Variants in TRA2B observed in about 807,000 individuals in gnomAD.
TRA2B encodes transformer 2 beta homolog.
In TRA2B, 14 loss-of-function variants were observed where a neutral mutation model predicts 41.7. The observed-to-expected ratio is 0.34, with a 90% CI of 0.22 to 0.53. The LOEUF (loss-of-function observed/expected upper bound fraction) is 0.53, where lower values mean the gene tolerates loss of function less well. TRA2B is among the 20% of genes least tolerant of loss of function. The pLI, the probability that TRA2B is intolerant of heterozygous loss-of-function variation, is 0.95. For missense variants in TRA2B, 167 were observed against 396.8 expected, an observed-to-expected ratio of 0.42 and a Z score of 4.92; for synonymous variants, 130 against 128.8, an observed-to-expected ratio of 1.01 and a Z score of -0.06.
rs1014809540 is a variant in TRA2B, at chr3:185,918,269, T to C, written c.856+96A>G. 2.2e-5 allele frequency: 20 copies of C among 905,920 alleles called. No individual in the cohort carries two copies. The Admixed American group carries it at 3.8e-4, about 17-fold the overall frequency. 56.1% of individuals were successfully genotyped at this position (905,920 alleles called of 1,614,324 possible). On this transcript the variant is annotated intron_variant, in intron 8 of 8. Coordinates refer to ENST00000453386, the MANE Select transcript of TRA2B (RefSeq NM_004593.3). Reference sequence around the variant, plus strand: ...TGTGGAGAATCATTAGGTATGAAACTACCTGAAACCAATCCATTATCTGAT... The same window carrying C: ...TGTGGAGAATCATTAGGTATGAAACCACCTGAAACCAATCCATTATCTGAT...
intron 7 of TRA2B, among the ~76,000 whole-genome samples, 194 bp downstream of exon 7, chr3:185,919,242 TC>T (rs766944099): frequency 3.3e-5 from 5 of 152,210 alleles, no homozygotes; most frequent in Non-Finnish European, 5.9e-5. Context: ...CACTAAATAA[TC>T]TATTGCAAAA....
chr3:185,920,151 A>T (rs1408475329), intron 6 of TRA2B, among the ~76,000 whole-genome samples: 2 of 150,958 alleles, frequency 1.3e-5, no homozygotes, highest in Admixed American at 1.3e-4. Context: ...AAAGCCACAT[A>T]CCCTTGTCAT....
rs1434387723 is a variant in TRA2B, at chr3:185,915,095, A to C, written c.*2620T>G. Among the ~76,000 whole-genome samples the C allele has an allele frequency of 6.6e-6, 1 of 152,194 alleles. No homozygotes were observed. The highest frequency in any genetic ancestry group is 1.5e-5 in the Non-Finnish European group (1 of 68,040). On this transcript the variant is annotated 3_prime_UTR_variant, in exon 9 of 9. Transcript: ENST00000453386. ...ACTTCACAATAGGATTCCTGCTATGAAAATCTGCTGTTGCTGATCTGACAG... is the reference window on the plus strand; with the variant it reads ...ACTTCACAATAGGATTCCTGCTATGCAAATCTGCTGTTGCTGATCTGACAG...
At chr3:185,924,961 T>TCCC (rs370943566) in intron 3 of TRA2B, 1 of 151,690 alleles carries the variant, frequency 6.6e-6, no homozygotes, top group African/African-American at 2.4e-5. Context: ...AAACATTAAG[T>TCCC]CCCCCCCTGC....
chr3:185,926,483 G>T, intron 2 of TRA2B, 118 bp downstream of exon 2: 3 of 1,351,380 alleles, frequency 2.2e-6, no homozygotes, highest in Non-Finnish European at 3.1e-6. Context: ...TTCACTTCTA[G>T]TACCAATATT....
chr3:185,934,967 CT>C, intron 1 of TRA2B: 6 of 985,336 alleles, frequency 6.1e-6, no homozygotes, highest in Non-Finnish European at 7.2e-6. Context: ...TTCTGGATTC[CT>C]TTAGTAAAGA....
At chr3:185,927,700 T>C (rs917168626) in intron 1 of TRA2B, 12 of 151,820 alleles carry the variant, frequency 7.9e-5, no homozygotes, top group Admixed American at 2.0e-4. Flanking sequence ...TAATGAAAAA[T>C]AGCAAAGGAA....
Position 185,921,170 on chromosome 3 carries a change from C to T in TRA2B, c.656G>A (p.Arg219Gln). Reference protein sequence around the residue: ...GRPTYGSSRRRDYYDRGYDRG... With the variant: ...GRPTYGSSRRQDYYDRGYDRG... Reference sequence around the variant, plus strand: ...ATCATATCCTCTGTCATAGTAATCCCGACGGCGAGAGCTGCCACTATGAAG... The same window carrying T: ...ATCATATCCTCTGTCATAGTAATCCTGACGGCGAGAGCTGCCACTATGAAG... The change falls in exon 6 of 9, where the codon CGG (arginine) becomes CAG (glutamine). Residue 219 changes from arginine (R) to glutamine (Q), a missense_variant. Coordinates refer to ENST00000453386, the MANE Select transcript of TRA2B (RefSeq NM_004593.3). 6.2e-7 allele frequency: 1 copy of T among 1,614,018 alleles called. No individual in the cohort carries two copies. Among genetic ancestry groups the T allele is most frequent in the Non-Finnish European group, 8.5e-7 (1 of 1,180,020 alleles).
chr3:185,915,739 TA>T lies in TRA2B; in HGVS notation c.*1975del, dbSNP rs994427847. On this transcript the variant is annotated 3_prime_UTR_variant, in exon 9 of 9. Coordinates refer to ENST00000453386, the MANE Select transcript of TRA2B (RefSeq NM_004593.3). ...AAGGATGGCTACACAACTAAAGGGC[TA>T]AAACTCAGGCTTTAGGATAGAAACC... Among the ~76,000 whole-genome samples the T allele has an allele frequency of 3.9e-5, 6 of 152,152 alleles. No individual in the cohort carries two copies. The highest frequency in any genetic ancestry group is 7.4e-5 in the Non-Finnish European group (5 of 68,016).
Position 185,937,880 on chromosome 3 carries a change from C to T in TRA2B, c.-20G>A. ...GCTCATGACTCCTGGCTGCTGTCGC[C>T]GGTCGATGTGCTTCAATCGAAGCTG... On this transcript the variant is annotated 5_prime_UTR_variant, in exon 1 of 9. Coordinates refer to ENST00000453386, the MANE Select transcript of TRA2B (RefSeq NM_004593.3). 2 of 1,613,822 alleles carry T rather than the reference C, an allele frequency of 1.2e-6. No individual in the cohort carries two copies. The highest frequency in any genetic ancestry group is 2.2e-5 in the East Asian group (1 of 44,878).
intron 6 of TRA2B, among the ~76,000 whole-genome samples, chr3:185,919,940 A>T (rs1353573461): frequency 6.6e-6 from 1 of 152,256 alleles, no homozygotes; most frequent in East Asian, 1.9e-4. Context: ...CAATACCATT[A>T]TCAATGACAA....
At chr3:185,931,662 G>T in intron 1 of TRA2B, 2 of 1,275,592 alleles carry the variant, frequency 1.6e-6, no homozygotes, top group Non-Finnish European at 2.0e-6. Context: ...TTCAAATTCT[G>T]ACTTCTTTCA....
intron 2 of TRA2B, 49 bp downstream of exon 2, chr3:185,926,551 CA>C: frequency 6.2e-7 from 1 of 1,606,766 alleles, no homozygotes; most frequent in South Asian, 1.1e-5. Context: ...AAACACGCAC[CA>C]ATTTCAGAGC....
chr3:185,921,855 T>G (rs1743751770), intron 5 of TRA2B, among the ~76,000 whole-genome samples, 156 bp downstream of exon 5: 1 of 152,216 alleles, frequency 6.6e-6, no homozygotes, highest in Admixed American at 6.5e-5. Flanking sequence ...ATGGTTGAAC[T>G]TCTACTATGA....
At chr3:185,934,553 T>G in intron 1 of TRA2B, 1 of 985,442 alleles carries the variant, frequency 1.0e-6, no homozygotes, top group Non-Finnish European at 1.2e-6. Flanking sequence ...TTCAAGAGAC[T>G]GATAAACCTA....
Position 185,917,601 on chromosome 3 carries a change from A to G in TRA2B, c.*114T>C, listed in dbSNP as rs1743548538. The G allele has an allele frequency of 1.7e-6, 2 of 1,145,530 alleles. No homozygotes were observed. Among genetic ancestry groups the G allele is most frequent in the African/African-American group, 3.1e-5 (2 of 63,748 alleles). The allele number at this position is 1,145,530 out of a possible 1,614,324, so 71.0% of individuals were successfully genotyped here. A position where few individuals can be genotyped will look rare whatever the true frequency, so the allele number is the denominator to read the frequency against. ...CAAAAGTAGTCATCGTAAAAGGTGT[A>G]AAAGTCACCTAACTTCACTAGGCAC... On this transcript the variant is annotated 3_prime_UTR_variant, in exon 9 of 9. Transcript: ENST00000453386.
chr3:185,920,949 C>T (rs1341009505), intron 6 of TRA2B, among the ~76,000 whole-genome samples, 155 bp downstream of exon 6: 1 of 152,186 alleles, frequency 6.6e-6, no homozygotes, highest in Non-Finnish European at 1.5e-5. Flanking sequence ...TTGATTAAGA[C>T]ACAGAACCTT....
Position 185,915,147 on chromosome 3 carries a change from CAGG to C in TRA2B, c.*2565_*2567del, listed in dbSNP as rs200593257. 0.016 allele frequency among the ~76,000 whole-genome samples: 2,455 copies of C among 152,246 alleles called. 38 individuals carry two copies. Among genetic ancestry groups the C allele is most frequent in the Non-Finnish European group, 0.026 (1,754 of 68,020 alleles). ...CGGCGGAGCTCAGGCAATCCATGGCCAGGAGATCGGAAACCCCTGCTCCCAGGT... is the reference window on the plus strand; with the variant it reads ...CGGCGGAGCTCAGGCAATCCATGGCCAGATCGGAAACCCCTGCTCCCAGGT... On this transcript the variant is annotated 3_prime_UTR_variant, in exon 9 of 9. Transcript: ENST00000453386.
chr3:185,930,837 T>C (rs776051363), intron 1 of TRA2B, among the ~76,000 whole-genome samples: 2 of 152,202 alleles, frequency 1.3e-5, no homozygotes, highest in African/African-American at 2.4e-5. Context: ...GAAATAGGAA[T>C]GAAAGCATCT....
Sources: gnomAD v4.1 joint callset for allele counts (sites outside exome capture counted in the v4.1 genomes callset) on GRCh38, gnomAD v4.1.1 for gene constraint, MANE v1.5 for transcripts, NCBI Gene and HGNC (gene_info 2026-07-23, HGNC 2026-07-21) for gene names.